Variants in HELZ observed in about 807,000 individuals in gnomAD.
HELZ encodes ATP-dependent RNA helicase with zinc finger domain.
In HELZ, 23 loss-of-function variants were observed where a neutral mutation model predicts 218.2. The observed-to-expected ratio is 0.11, with a 90% CI of 0.08 to 0.15. The LOEUF (loss-of-function observed/expected upper bound fraction) is 0.15. Ranked by LOEUF, HELZ falls within the 10% of genes least tolerant of loss-of-function variation. The pLI, the probability that HELZ is intolerant of heterozygous loss-of-function variation, is 1.00. For missense variants in HELZ, 1,813 were observed against 2,353.7 expected, an observed-to-expected ratio of 0.77 and a Z score of 4.75; for synonymous variants, 814 against 829.4, an observed-to-expected ratio of 0.98 and a Z score of 0.32.
chr17:67,096,373 G>C (rs1218069403), intron 31 of HELZ, among the ~76,000 whole-genome samples: 2 of 152,154 alleles, frequency 1.3e-5, no homozygotes, highest in Non-Finnish European at 2.9e-5. Context: ...AAGACAGTCA[G>C]CCTGTTCCTC....
chr17:67,172,341 C>T (rs2039337413), intron 13 of HELZ, among the ~76,000 whole-genome samples: 2 of 152,158 alleles, frequency 1.3e-5, no homozygotes, highest in South Asian at 4.1e-4. Context: ...TATGAGTCTG[C>T]CTCCACTACT....
Position 67,109,691 on chromosome 17 carries a change from A to G in HELZ, c.3919-5T>C, listed in dbSNP as rs746397930. The G allele has an allele frequency of 6.3e-7, 1 of 1,594,920 alleles. No individual in the cohort carries two copies. Among genetic ancestry groups the G allele is most frequent in the Non-Finnish European group, 8.5e-7 (1 of 1,170,612 alleles). On this transcript the variant is annotated splice_polypyrimidine_tract_variant and splice_region_variant and intron_variant, in intron 28 of 32. Transcript: ENST00000358691. ...TGGATTTGATTCCAAATCAACCTAG[A>G]AAAAAAGAAGAAGCCTTTTTTAACT...
intron 17 of HELZ, among the ~76,000 whole-genome samples, chr17:67,153,682 C>G (rs1278343077): frequency 6.6e-6 from 1 of 152,150 alleles, no homozygotes; most frequent in African/African-American, 2.4e-5. Flanking sequence ...CCCCCACTTC[C>G]CTTCACCCAC....
At position 67,073,889 on chromosome 17, in the gene HELZ, G is replaced by C. The variant is rs1567775593; in HGVS notation, c.*4363C>G. 1 of 152,074 alleles carries C rather than the reference G, an allele frequency of 6.6e-6. No individual in the cohort carries two copies. Among genetic ancestry groups the C allele is most frequent in the African/African-American group, 2.4e-5 (1 of 41,386 alleles). The allele number at this position is 152,074 out of a possible 1,614,324, so 9.4% of individuals were successfully genotyped here. ...TCAGCTAATAAATGTCCATCCTCAA[G>C]CAGATGGGAAATGTGAGGAGCATAT... is the stretch of plus-strand genomic sequence containing the variant. On this transcript the variant is annotated 3_prime_UTR_variant, in exon 33 of 33. Transcript: ENST00000358691.
intron 3 of HELZ, among the ~76,000 whole-genome samples, chr17:67,233,106 C>T (rs988388157): frequency 1.3e-5 from 2 of 152,190 alleles, no homozygotes; most frequent in Admixed American, 6.5e-5. Context: ...TGCACTCCAG[C>T]TTAGGCGAAG....
In HELZ at chr17:67,108,611, A is replaced by G; in HGVS notation, c.4605T>C (p.His1535=). The part of the protein sequence containing the change: ...LSQGSAPYPH[H]HHPHLQHLPQ... ...GAAGATGCTGGAGGTGAGGATGGTG[A>G]TGGTGTGGGTATGGAGCGCTGCCCT... The change falls in exon 30 of 33, where the codon CAT becomes CAC. Residue 1535 remains histidine (H), a synonymous_variant. Coordinates refer to ENST00000358691, the MANE Select transcript of HELZ (RefSeq NM_014877.4). This position sits in a 1 kb window ranked among gnomAD's most constrained non-coding sequence, Gnocchi z 4.1. 1 of 1,614,024 alleles carries G rather than the reference A, an allele frequency of 6.2e-7. No homozygotes were observed.
intron 21 of HELZ, among the ~76,000 whole-genome samples, chr17:67,144,729 T>C (rs2038441542): frequency 1.3e-5 from 2 of 152,038 alleles, no homozygotes; most frequent in African/African-American, 4.8e-5. Flanking sequence ...TGGTTGCCAC[T>C]TCCTGTCATC....
intron 12 of HELZ, among the ~76,000 whole-genome samples, chr17:67,187,770 G>A (rs1287053526): frequency 1.3e-5 from 2 of 152,096 alleles, no homozygotes; most frequent in African/African-American, 4.8e-5. Flanking sequence ...ATGCTTACAT[G>A]ATGAAACCAG....
At chr17:67,184,635 C>T (rs1419857658) in intron 12 of HELZ, among the ~76,000 whole-genome samples, 1 of 151,602 alleles carries the variant, frequency 6.6e-6, no homozygotes, top group Non-Finnish European at 1.5e-5. Flanking sequence ...CTTGTCTCTA[C>T]AAAAAAAGAC....
Position 67,119,696 on chromosome 17 carries a change from C to A in HELZ, c.3838+709G>T, listed in dbSNP as rs2037539061. On this transcript the variant is annotated intron_variant, in intron 27 of 32. Transcript: ENST00000358691. ...CTAGCAGACTTGTAGTAAAAATAACCTTTATATCAACAATCCCACAAGATT... is the reference window on the plus strand; with the variant it reads ...CTAGCAGACTTGTAGTAAAAATAACATTTATATCAACAATCCCACAAGATT... 3.3e-5 allele frequency among the ~76,000 whole-genome samples: 5 copies of A among 152,036 alleles called. No individual in the cohort carries two copies. In the South Asian group the frequency reaches 1.0e-3, roughly 32 times the overall value.
intron 17 of HELZ, among the ~76,000 whole-genome samples, chr17:67,155,107 C>T (rs2038800659): frequency 1.3e-5 from 2 of 152,120 alleles, no homozygotes; most frequent in African/African-American, 4.8e-5. Flanking sequence ...CGAACTTTGT[C>T]AGAAGGGTTG....
Position 67,109,425 on chromosome 17 carries a change from T to A in HELZ, c.4180A>T (p.Ile1394Leu), listed in dbSNP as rs766689060. 6.2e-7 allele frequency: 1 copy of A among 1,614,156 alleles called. No individual in the cohort carries two copies. The highest frequency in any genetic ancestry group is 1.1e-5 in the South Asian group (1 of 91,080). The stretch of plus-strand genomic sequence containing the variant: ...ACTACCTGATTTGGCTGAGGTGGTA[T>A]CTGATTTGGTTGTTCAGGCAAATTA... ...QNNLPEQPNQIPPQPNQVVQQ... is the reference protein window; with the variant it reads ...QNNLPEQPNQLPPQPNQVVQQ... Residue 1394 changes from isoleucine (I) to leucine (L), a missense_variant, in exon 29 of 33, where the codon ATA (isoleucine) becomes TTA (leucine). Physicochemically the swap from Ile to Leu is conservative, Grantham distance 5. Transcript: ENST00000358691.
chr17:67,149,178 G>A (rs1356240107), intron 19 of HELZ, among the ~76,000 whole-genome samples: 1 of 152,108 alleles, frequency 6.6e-6, no homozygotes, highest in East Asian at 1.9e-4. Context: ...AGCCATTCAT[G>A]GTTATGCCTT....
intron 27 of HELZ, among the ~76,000 whole-genome samples, chr17:67,119,549 G>A (rs980902419): frequency 6.6e-6 from 1 of 152,120 alleles, no homozygotes; most frequent in Non-Finnish European, 1.5e-5. Context: ...TTTGGTGGAA[G>A]TTAACAACTC....
At chr17:67,202,939 C>T (rs2040204257) in intron 6 of HELZ, among the ~76,000 whole-genome samples, 1 of 151,864 alleles carries the variant, frequency 6.6e-6, no homozygotes, top group Non-Finnish European at 1.5e-5. Context: ...GCCTGGGCAA[C>T]ATAATGAGAC....
chr17:67,221,612 C>A (rs2040746544), intron 3 of HELZ, among the ~76,000 whole-genome samples: 2 of 152,208 alleles, frequency 1.3e-5, no homozygotes, highest in African/African-American at 2.4e-5. Flanking sequence ...TAGCCTGGGG[C>A]AAGTGGCTTT....
intron 3 of HELZ, among the ~76,000 whole-genome samples, chr17:67,236,419 A>G (rs2041187557): frequency 3.9e-5 from 6 of 152,190 alleles, no homozygotes; most frequent in Admixed American, 3.9e-4. Context: ...ACACACTCCA[A>G]AATTTATCCT....
chr17:67,223,871 G>A (rs1352478992), intron 3 of HELZ, among the ~76,000 whole-genome samples: 2 of 152,230 alleles, frequency 1.3e-5, no homozygotes, highest in Non-Finnish European at 2.9e-5. Flanking sequence ...CAAGAAAGCT[G>A]AAATCAGAAA....
Position 67,078,306 on chromosome 17 carries a change from T to A in HELZ, c.5775A>T (p.Glu1925Asp). The A allele has an allele frequency of 1.2e-6, 2 of 1,614,102 alleles. No homozygotes were observed. The highest frequency in any genetic ancestry group is 1.7e-6 in the Non-Finnish European group (2 of 1,180,006). Residue 1925 changes from glutamate to aspartate, a missense_variant, in exon 33 of 33, where the codon GAA becomes GAT. Glu to Asp is a conservative substitution (Grantham distance 45, BLOSUM62 2). Coordinates refer to ENST00000358691, the MANE Select transcript of HELZ (RefSeq NM_014877.4). ...TGCCAGATGAGCTCCCTAGGCTCAG[T>A]TCCTGGAAGAGAGACAGAGGGTCGC... Reference protein sequence around the residue: ...KSSDPLSLFQELSLGSSSGSN... With the variant: ...KSSDPLSLFQDLSLGSSSGSN...
Sources: allele counts gnomAD v4.1 joint callset (sites outside exome capture counted in the v4.1 genomes callset), GRCh38; gene constraint gnomAD v4.1.1; non-coding constraint Gnocchi (gnomAD v3.1); transcripts MANE v1.5; gene names NCBI Gene and HGNC (gene_info 2026-07-23, HGNC 2026-07-21).